The following CCNY variants were observed in gnomAD, a reference collection of about 807,000 sequenced individuals.
CCNY encodes cyclin-Y.
CCNY carries 19 observed loss-of-function variants against 42.8 expected under a neutral mutation model. That is an observed-to-expected ratio of 0.44 (90% CI 0.31 to 0.65). The LOEUF is 0.65. Ranked by LOEUF, CCNY falls within the 30% of genes least tolerant of loss-of-function variation. The probability of loss-of-function intolerance (pLI) is 0.07; values close to 1 mark genes in which losing one functional copy is unlikely to be tolerated. For missense variants in CCNY, 370 were observed against 437.3 expected, an observed-to-expected ratio of 0.85 and a Z score of 1.37; for synonymous variants, 165 against 162.7, an observed-to-expected ratio of 1.01 and a Z score of -0.11.
At chr10:35,452,978 AT>A (rs978882166) in intron 1 of CCNY, among the ~76,000 whole-genome samples, 3 of 152,132 alleles carry the variant, frequency 2.0e-5, no homozygotes, top group African/African-American at 4.8e-5. Context: ...TTTAAAAAAA[AT>A]ATTATTTATT....
intron 2 of CCNY, among the ~76,000 whole-genome samples, chr10:35,486,885 G>A (rs1365419722): frequency 6.6e-6 from 1 of 152,178 alleles, no homozygotes; most frequent in African/African-American, 2.4e-5. Flanking sequence ...TCCTCCTTGA[G>A]GGTTTCTTTG....
At position 35,530,059 on chromosome 10, in the gene CCNY, G is replaced by A. The variant is rs774523297; in HGVS notation, c.459+29G>A. On this transcript the variant is annotated intron_variant, in intron 6 of 9. Transcript: ENST00000374704. The surrounding 1 kb of genome is among the most constrained non-coding windows in gnomAD (Gnocchi z 4.3). ...ATCTCCTCCGTGTGTTTCATGAGATGATTTAATTATTTCTCTTTTGCTCCA... is the reference window on the plus strand; with the variant it reads ...ATCTCCTCCGTGTGTTTCATGAGATAATTTAATTATTTCTCTTTTGCTCCA... 1 of 1,614,028 alleles carries A rather than the reference G, an allele frequency of 6.2e-7. No individual in the cohort carries two copies. The highest frequency in any genetic ancestry group is 1.1e-5 in the South Asian group (1 of 91,072).
chr10:35,344,732 C>G (rs1027675637), intron 1 of CCNY, among the ~76,000 whole-genome samples: 2 of 152,136 alleles, frequency 1.3e-5, no homozygotes, highest in South Asian at 2.1e-4. Context: ...CCACTCCCCC[C>G]ACCCGACAAC....
At chr10:35,410,163 T>A (rs1432304568) in intron 1 of CCNY, among the ~76,000 whole-genome samples, 1 of 152,202 alleles carries the variant, frequency 6.6e-6, no homozygotes, top group Non-Finnish European at 1.5e-5. Flanking sequence ...GCACAGACTT[T>A]GAACAGTGTC....
chr10:35,343,382 C>CTTTTT (rs9299720), intron 1 of CCNY, among the ~76,000 whole-genome samples: 32 of 85,914 alleles, frequency 3.7e-4, no homozygotes, highest in East Asian at 7.9e-4. Flanking sequence ...AGCTGATGGT[C>CTTTTT]TTTTTTTTTT....
intron 1 of CCNY, among the ~76,000 whole-genome samples, chr10:35,423,420 G>C (rs1838200925): frequency 6.7e-6 from 1 of 149,838 alleles, no homozygotes; most frequent in Non-Finnish European, 1.5e-5. Flanking sequence ...AGGCTACAGT[G>C]AATCATGATT....
intron 1 of CCNY, among the ~76,000 whole-genome samples, chr10:35,402,516 T>C (rs988338782): frequency 1.5e-4 from 23 of 152,326 alleles, no homozygotes; most frequent in African/African-American, 5.1e-4. Flanking sequence ...TTTAAAAATA[T>C]AGAGAGTCCT....
At chr10:35,555,700 A>G (rs1841349696) in intron 8 of CCNY, among the ~76,000 whole-genome samples, 1 of 152,200 alleles carries the variant, frequency 6.6e-6, no homozygotes, top group African/African-American at 2.4e-5. Context: ...CAGTTGTTTC[A>G]TTTAATACTT....
At chr10:35,565,431 C>A (rs1393841045) in intron 8 of CCNY, among the ~76,000 whole-genome samples, 1 of 152,186 alleles carries the variant, frequency 6.6e-6, no homozygotes, top group Non-Finnish European at 1.5e-5. Flanking sequence ...GGTGCGTGCT[C>A]AAGTGTGGAA....
At chr10:35,366,752 G>T (rs2224242) in intron 1 of CCNY, among the ~76,000 whole-genome samples, 1,875 of 152,296 alleles carry the variant, frequency 0.012, 12 homozygotes, top group Non-Finnish European at 0.019. Flanking sequence ...TTATATATCT[G>T]CACTGTCCAA....
intron 2 of CCNY, among the ~76,000 whole-genome samples, chr10:35,485,724 C>CA (rs60570748): frequency 1.2e-3 from 120 of 97,660 alleles, no homozygotes; most frequent in Middle Eastern, 5.0e-3. Flanking sequence ...GACTCCGTCT[C>CA]AAAAAAAAAA....
Position 35,473,389 on chromosome 10 carries a change from A to G in CCNY, c.155-10015A>G, listed in dbSNP as rs140590929. On this transcript the variant is annotated intron_variant, in intron 1 of 9. Transcript: ENST00000374704. ...TGACACCCAGTAGAGTAACTATTTA[A>G]ATTTTATAAGTTCTTCTTCTTCTTG... Among the ~76,000 whole-genome samples the G allele has an allele frequency of 3.9e-5, 6 of 152,238 alleles. No individual in the cohort carries two copies. The East Asian group carries it at 1.2e-3, about 29-fold the overall frequency.
At chr10:35,325,971 G>A (rs1835875624) in intron 3 of CCNY, among the ~76,000 whole-genome samples, 1 of 152,110 alleles carries the variant, frequency 6.6e-6, no homozygotes, top group Admixed American at 6.6e-5. Context: ...TACTTGGGAG[G>A]AGGCTGAGGT....
chr10:35,422,632 T>G (rs1838184064), intron 1 of CCNY, among the ~76,000 whole-genome samples: 1 of 152,250 alleles, frequency 6.6e-6, no homozygotes, highest in Admixed American at 6.5e-5. Flanking sequence ...AGTCAGTTAA[T>G]TCTGGTTTAT....
At chr10:35,257,066 T>C (rs1305443799) in intron 3 of CCNY, among the ~76,000 whole-genome samples, 1 of 152,186 alleles carries the variant, frequency 6.6e-6, no homozygotes, top group Non-Finnish European at 1.5e-5. Context: ...CCCATGTATT[T>C]ACCTTTATTG....
chr10:35,457,009 T>C (rs768726840), intron 1 of CCNY, among the ~76,000 whole-genome samples: 5 of 152,232 alleles, frequency 3.3e-5, no homozygotes, highest in Non-Finnish European at 5.9e-5. Flanking sequence ...ACCAGCTCTT[T>C]ATTCTCCTCT....
At chr10:35,502,544 TAGG>T (rs968519678) in intron 3 of CCNY, among the ~76,000 whole-genome samples, 10 of 152,318 alleles carry the variant, frequency 6.6e-5, no homozygotes, top group Admixed American at 2.6e-4. Context: ...GCTACGCCCT[TAGG>T]AGACTGATGA....
At chr10:35,342,592 C>G (rs1554778502) in intron 1 of CCNY, among the ~76,000 whole-genome samples, 3 of 152,060 alleles carry the variant, frequency 2.0e-5, no homozygotes, top group Non-Finnish European at 4.4e-5. Flanking sequence ...GACTGAATCT[C>G]AGAGAGGTGT....
upstream of CCNY, among the ~76,000 whole-genome samples, chr10:35,333,619 T>G (rs1835971154): frequency 6.6e-6 from 1 of 152,234 alleles, no homozygotes. Context: ...TTTCTCAGTA[T>G]TTTGATCTTA....
Sources: gnomAD v4.1 joint callset for allele counts (sites outside exome capture counted in the v4.1 genomes callset) on GRCh38, gnomAD v4.1.1 for gene constraint, Gnocchi (gnomAD v3.1) non-coding constraint, MANE v1.5 for transcripts, NCBI Gene and HGNC (gene_info 2026-07-23, HGNC 2026-07-21) for gene names.